Variants in CUX1 observed in about 807,000 individuals in gnomAD.
The protein encoded by CUX1 is protein CASP.
In CUX1, 31 loss-of-function variants were observed where a neutral mutation model predicts 158.8. That is an observed-to-expected ratio of 0.20 (90% CI 0.15 to 0.26). The LOEUF (loss-of-function observed/expected upper bound fraction) is 0.26. CUX1 is among the 10% of genes least tolerant of loss of function. The probability of loss-of-function intolerance (pLI) is 1.00; values close to 1 mark genes in which losing one functional copy is unlikely to be tolerated. For synonymous variants in CUX1, 879 were observed against 862.1 expected, an observed-to-expected ratio of 1.02 and a Z score of -0.34; for missense variants, 1,589 against 2,014.6, an observed-to-expected ratio of 0.79 and a Z score of 4.04.
intron 3 of CUX1, among the ~76,000 whole-genome samples, chr7:102,030,877 T>C (rs572853551): frequency 2.0e-5 from 3 of 152,016 alleles, no homozygotes; most frequent in South Asian, 4.2e-4. Context: ...TTTATTTTTA[T>C]TTTTAGTAGA....
chr7:101,896,281 A>AG (rs2131695807), intron 1 of CUX1, among the ~76,000 whole-genome samples: 1 of 152,260 alleles, frequency 6.6e-6, no homozygotes, highest in East Asian at 1.9e-4. Flanking sequence ...GCCTTGCCCC[A>AG]GGTGCAGCAG....
At chr7:102,059,439 G>A (rs1454502628) in intron 3 of CUX1, among the ~76,000 whole-genome samples, 4 of 151,908 alleles carry the variant, frequency 2.6e-5, no homozygotes, top group African/African-American at 7.3e-5. Flanking sequence ...TTCGAGACCA[G>A]CCTGGCCAAC....
At chr7:102,019,942 T>C (rs1205724368) in intron 2 of CUX1, among the ~76,000 whole-genome samples, 1 of 152,200 alleles carries the variant, frequency 6.6e-6, no homozygotes, top group Non-Finnish European at 1.5e-5. Flanking sequence ...GGGGTTTCAT[T>C]CCTCCTTTAA....
intron 2 of CUX1, among the ~76,000 whole-genome samples, chr7:102,017,290 CAAA>C (rs10629776): frequency 3.8e-5 from 5 of 131,630 alleles, no homozygotes; most frequent in African/African-American, 2.8e-5. Context: ...GACTCCATCT[CAAA>C]AAAAAAAAAA....
At chr7:101,925,116 G>A (rs1411095764) in intron 2 of CUX1, among the ~76,000 whole-genome samples, 2 of 152,074 alleles carry the variant, frequency 1.3e-5, no homozygotes, top group African/African-American at 4.8e-5. Flanking sequence ...GACACAATGG[G>A]GCCTTTTTTT....
intron 1 of CUX1, among the ~76,000 whole-genome samples, chr7:101,826,766 C>T (rs1054705023): frequency 6.6e-6 from 1 of 152,024 alleles, no homozygotes; most frequent in Non-Finnish European, 1.5e-5. Context: ...GCAGAACAGT[C>T]GTGGGGTGGC....
At chr7:101,850,421 CTTTTT>C (rs545679696) in intron 1 of CUX1, among the ~76,000 whole-genome samples, 1 of 104,652 alleles carries the variant, frequency 9.6e-6, no homozygotes, top group African/African-American at 4.0e-5. Context: ...TTCTTTCTTT[CTTTTT>C]TTTTTTTTTT....
At chr7:101,892,323 G>T (rs1341152366) in intron 1 of CUX1, among the ~76,000 whole-genome samples, 1 of 152,212 alleles carries the variant, frequency 6.6e-6, no homozygotes, top group Non-Finnish European at 1.5e-5. Context: ...TTGGCATCAA[G>T]AATCTTTTAA....
chr7:101,837,358 C>T (rs923870910), intron 1 of CUX1, among the ~76,000 whole-genome samples: 4 of 152,138 alleles, frequency 2.6e-5, no homozygotes, highest in Non-Finnish European at 4.4e-5. Context: ...GGGTTCCATA[C>T]GTTACAGTGA....
chr7:102,011,889 A>G (rs1176693250), intron 2 of CUX1, among the ~76,000 whole-genome samples: 1 of 151,192 alleles, frequency 6.6e-6, no homozygotes, highest in Non-Finnish European at 1.5e-5. Context: ...CAATGGTGTG[A>G]TCGCTGGTCC....
intron 20 of CUX1, among the ~76,000 whole-genome samples, chr7:102,207,454 TA>T (rs1430993702): frequency 4.6e-5 from 7 of 151,688 alleles, no homozygotes; most frequent in South Asian, 2.1e-4. Context: ...CAGGAAAAAA[TA>T]TTTTTTTTTT....
At chr7:101,886,106 C>T (rs1800197065) in intron 1 of CUX1, among the ~76,000 whole-genome samples, 1 of 146,532 alleles carries the variant, frequency 6.8e-6, no homozygotes, top group Non-Finnish European at 1.5e-5. Context: ...TCCTGCTGGC[C>T]CTGAATGTGG....
intron 1 of CUX1, among the ~76,000 whole-genome samples, chr7:101,883,459 A>G (rs1250993094): frequency 6.6e-6 from 1 of 152,166 alleles, no homozygotes; most frequent in African/African-American, 2.4e-5. Flanking sequence ...TACTTTTATT[A>G]GCCAATGTTA....
chr7:101,964,999 G>T (rs548679018), intron 2 of CUX1, among the ~76,000 whole-genome samples: 1 of 152,126 alleles, frequency 6.6e-6, no homozygotes, highest in Non-Finnish European at 1.5e-5. Context: ...AGGGTTTAAT[G>T]GTGATTAAAG....
intron 20 of CUX1, among the ~76,000 whole-genome samples, chr7:102,223,696 C>T (rs1436012189): frequency 6.6e-6 from 1 of 152,122 alleles, no homozygotes; most frequent in Non-Finnish European, 1.5e-5. Flanking sequence ...GGGTCAGGCG[C>T]GGTGGCTCAC....
intron 2 of CUX1, among the ~76,000 whole-genome samples, chr7:101,991,335 G>A (rs867797058): frequency 2.0e-5 from 3 of 152,360 alleles, no homozygotes; most frequent in Middle Eastern, 6.8e-3. Context: ...AGGGCGCGTA[G>A]CAGATGTGTG....
At chr7:101,915,339 C>T (rs975468974) in intron 1 of CUX1, among the ~76,000 whole-genome samples, 12 of 152,128 alleles carry the variant, frequency 7.9e-5, no homozygotes, top group African/African-American at 2.2e-4. Context: ...CGGTTTGTTG[C>T]GGGGAGCAGA....
At chr7:102,139,167 C>CCCGGGAGGCAGAGTTTGCAGTGAG (rs1834188617) in intron 8 of CUX1, among the ~76,000 whole-genome samples, 1 of 151,222 alleles carries the variant, frequency 6.6e-6, no homozygotes, top group African/African-American at 2.4e-5. Flanking sequence ...ATCACTTGAA[C>CCCGGGAGGCAGAGTTTGCAGTGAG]CCGGGAGGCA....
chr7:102,165,182 C>T (rs1205838968), intron 9 of CUX1, among the ~76,000 whole-genome samples: 2 of 152,176 alleles, frequency 1.3e-5, no homozygotes, highest in East Asian at 3.9e-4. Flanking sequence ...CAGGCTGCAG[C>T]TGGCCCAAGG....
Sources: gnomAD v4.1 joint callset for allele counts (sites outside exome capture counted in the v4.1 genomes callset) on GRCh38, gnomAD v4.1.1 for gene constraint, MANE v1.5 for transcripts, NCBI Gene and HGNC (gene_info 2026-07-23, HGNC 2026-07-21) for gene names.